Variants in EFHB observed in about 807,000 individuals in gnomAD.
EFHB encodes EF-hand domain-containing family member B.
In EFHB, 91 loss-of-function variants were observed where a neutral mutation model predicts 87.2. The observed-to-expected ratio is 1.04, with a 90% CI of 0.88 to 1.24. The LOEUF is 1.24. Among genes scored for constraint, EFHB ranks in the 50% most tolerant of loss-of-function variants. EFHB has a pLI of 0.00. For synonymous variants in EFHB, 325 were observed against 333.6 expected, an observed-to-expected ratio of 0.97 and a Z score of 0.28; for missense variants, 1,084 against 998.8, an observed-to-expected ratio of 1.09 and a Z score of -1.15.
In EFHB at chr3:19,896,819, AT is replaced by A. The variant is rs1474566127; in HGVS notation, c.1592del (p.Asn531IlefsTer17). The A allele has an allele frequency of 1.2e-6, 2 of 1,613,358 alleles. No individual in the cohort carries two copies. The highest frequency in any genetic ancestry group is 2.7e-5 in the African/African-American group (2 of 74,936). ...EEYGVGDLIH[N>X]RLPDEYLRGK... Reference sequence around the variant, plus strand: ...CTCGAAGATATTCATCCGGAAGTCTATTATGGATGAGATCACCAACTCCTAT... The same window carrying A: ...CTCGAAGATATTCATCCGGAAGTCTATATGGATGAGATCACCAACTCCTAT... On this transcript the variant is annotated frameshift_variant, in exon 9 of 13. Transcript: ENST00000295824. LOFTEE classifies it high-confidence loss of function.
At chr3:19,898,707 A>C in intron 8 of EFHB, 71 bp downstream of exon 8, 2 of 1,436,344 alleles carry the variant, frequency 1.4e-6, no homozygotes, top group South Asian at 2.4e-5. Context: ...GGTGAGCTTA[A>C]CTGCATAACT....
intron 1 of EFHB, among the ~76,000 whole-genome samples, chr3:19,928,516 C>T (rs1695710757): frequency 6.6e-6 from 1 of 152,204 alleles, no homozygotes; most frequent in Non-Finnish European, 1.5e-5. Context: ...GCGATCTTGG[C>T]TCACTGCAAC....
intron 5 of EFHB, among the ~76,000 whole-genome samples, chr3:19,912,673 G>A (rs573864086): frequency 6.6e-6 from 1 of 152,190 alleles, no homozygotes; most frequent in South Asian, 2.1e-4. Context: ...TCAAGACATA[G>A]AGATTATAAT....
At chr3:19,879,834 A>T (rs1269443510) in intron 12 of EFHB, 30 bp from the exon 13 acceptor site, 2 of 1,532,126 alleles carry the variant, frequency 1.3e-6, no homozygotes, top group African/African-American at 2.8e-5. Flanking sequence ...ATAGACCATG[A>T]TTTATATGTT....
intron 12 of EFHB, among the ~76,000 whole-genome samples, chr3:19,880,414 C>T (rs554566534): frequency 2.4e-4 from 37 of 151,804 alleles, no homozygotes; most frequent in African/African-American, 8.7e-4. Context: ...CACACCTGGC[C>T]AATTTTTTTG....
chr3:19,890,164 G>A (rs755157021), intron 9 of EFHB, among the ~76,000 whole-genome samples: 5 of 152,130 alleles, frequency 3.3e-5, no homozygotes, highest in Non-Finnish European at 4.4e-5. Context: ...AACACTGGTG[G>A]TTTGTTTCAT....
chr3:19,910,115 C>A (rs1205478970), intron 5 of EFHB, among the ~76,000 whole-genome samples: 1 of 151,888 alleles, frequency 6.6e-6, no homozygotes, highest in African/African-American at 2.4e-5. Context: ...ACCTTGGGTA[C>A]CAGCATGGCC....
intron 1 of EFHB, chr3:19,940,281 C>G (rs1038789542): frequency 3.7e-6 from 1 of 268,456 alleles, no homozygotes; most frequent in African/African-American, 2.2e-5. Flanking sequence ...CAGTGTTGGG[C>G]CCTGAGAAAG....
chr3:19,880,995 A>T (rs1323774503), intron 12 of EFHB, among the ~76,000 whole-genome samples: 1 of 152,246 alleles, frequency 6.6e-6, no homozygotes, highest in Non-Finnish European at 1.5e-5. Flanking sequence ...TCTATTAAAC[A>T]GAATCTCAAC....
At chr3:19,923,024 T>A (rs1695489702) in intron 1 of EFHB, among the ~76,000 whole-genome samples, 1 of 152,078 alleles carries the variant, frequency 6.6e-6, no homozygotes, top group Non-Finnish European at 1.5e-5. Flanking sequence ...CCCCAGCACT[T>A]TGGGAGGCAA....
At position 19,915,210 on chromosome 3, in the gene EFHB, G is replaced by GC. The variant is rs1164836950; in HGVS notation, c.1288+92dup. The GC allele has an allele frequency of 5.6e-6, 4 of 710,498 alleles. No individual in the cohort carries two copies. The African/African-American group carries it at 7.2e-5, about 13-fold the overall frequency. 44.0% of individuals were successfully genotyped at this position (710,498 alleles called of 1,614,324 possible). On this transcript the variant is annotated intron_variant, in intron 5 of 12. Transcript: ENST00000295824. Reference sequence around the variant, plus strand: ...GTATTAGTTACCTATTACATGGCAGGCATTTAACTTTATGTACCAATTTCC... The same window carrying GC: ...GTATTAGTTACCTATTACATGGCAGGCCATTTAACTTTATGTACCAATTTCC...
At chr3:19,889,930 T>A (rs545972082) in intron 9 of EFHB, among the ~76,000 whole-genome samples, 335 of 152,246 alleles carry the variant, frequency 2.2e-3, no homozygotes, top group African/African-American at 7.6e-3. Context: ...GAGGTTGCAG[T>A]GAGCCGAGAC....
chr3:19,881,764 A>G (rs1049777514), intron 12 of EFHB, among the ~76,000 whole-genome samples: 8 of 152,082 alleles, frequency 5.3e-5, no homozygotes, highest in East Asian at 1.9e-4. Flanking sequence ...GTCCGAAAAG[A>G]CATCGTATGT....
intron 1 of EFHB, among the ~76,000 whole-genome samples, chr3:19,924,974 A>G (rs890567528): frequency 6.6e-6 from 1 of 152,160 alleles, no homozygotes; most frequent in Non-Finnish European, 1.5e-5. Flanking sequence ...GGCCGGGCGC[A>G]GTGGCTCACA....
In EFHB at chr3:19,919,645, C is replaced by G. The variant is rs924929729; in HGVS notation, c.996+188G>C. On this transcript the variant is annotated intron_variant, in intron 3 of 12. Transcript: ENST00000295824. Reference sequence around the variant, plus strand: ...TAAACTATTAATTTCTTCACACTGTCTTGGCTGCTGCTGCTTGGCTTTTTT... The same window carrying G: ...TAAACTATTAATTTCTTCACACTGTGTTGGCTGCTGCTGCTTGGCTTTTTT... Among the ~76,000 whole-genome samples, 34 of 152,100 alleles carry G rather than the reference C, an allele frequency of 2.2e-4. 1 individual carries two copies. The highest frequency in any genetic ancestry group is 1.9e-3 in the Admixed American group (29 of 15,258).
chr3:19,928,529 C>T (rs1230272750), intron 1 of EFHB, among the ~76,000 whole-genome samples: 1 of 152,228 alleles, frequency 6.6e-6, no homozygotes, highest in Non-Finnish European at 1.5e-5. Flanking sequence ...ACTGCAACCT[C>T]CGCCACCCAG....
rs199842310 is a variant in EFHB, at chr3:19,933,662, T to G, written c.357A>C (p.Gly119=). The G allele has an allele frequency of 6.2e-7, 1 of 1,614,004 alleles. No homozygotes were observed. The highest frequency in any genetic ancestry group is 2.2e-5 in the East Asian group (1 of 44,884). The change falls in exon 1 of 13, where the codon GGA becomes GGC. Residue 119 remains glycine (G), a synonymous_variant. Transcript: ENST00000295824. ...GCTGTATTATCCGTTCATGGGTATA[T>G]CCTGCAAGAAGACTCTCATTTTCTA... is the stretch of plus-strand genomic sequence containing the variant. The part of the protein sequence containing the change: ...MGLENESLLA[G]YTHERIIQPP...
intron 12 of EFHB, 75 bp downstream of exon 12, chr3:19,882,475 C>A: frequency 7.7e-7 from 1 of 1,297,496 alleles, no homozygotes; most frequent in Non-Finnish European, 1.0e-6. Flanking sequence ...TATAAAAATT[C>A]AAGTTTTTAA....
chr3:19,892,889 T>A (rs112029576), intron 9 of EFHB, among the ~76,000 whole-genome samples: 8 of 147,902 alleles, frequency 5.4e-5, no homozygotes, highest in Middle Eastern at 3.4e-3. Flanking sequence ...AATAAAATAA[T>A]ATAAAATCAG....
Sources: allele counts gnomAD v4.1 joint callset (sites outside exome capture counted in the v4.1 genomes callset), GRCh38; gene constraint gnomAD v4.1.1; transcripts MANE v1.5; gene names NCBI Gene and HGNC (gene_info 2026-07-23, HGNC 2026-07-21).